HECW1: variants seen among roughly 807,000 people sequenced by gnomAD.
HECW1 encodes HECT, C2 and WW domain containing E3 ubiquitin protein ligase 1, also known as E3 ubiquitin-protein ligase HECW1.
HECW1 carries 61 observed loss-of-function variants against 182.3 expected under a neutral mutation model. The ratio of observed to expected loss-of-function variants is 0.33; its 90% confidence interval spans 0.27 to 0.41. HECW1 has a LOEUF of 0.41. Ranked by LOEUF, HECW1 falls within the 10% of genes least tolerant of loss-of-function variation. The pLI, the probability that HECW1 is intolerant of heterozygous loss-of-function variation, is 1.00. For synonymous variants in HECW1, 859 were observed against 832.6 expected, an observed-to-expected ratio of 1.03 and a Z score of -0.55; for missense variants, 1,739 against 2,108.9, an observed-to-expected ratio of 0.82 and a Z score of 3.44.
chr7:43,380,244 TG>T (rs1455930663), intron 6 of HECW1, among the ~76,000 whole-genome samples: 2 of 152,124 alleles, frequency 1.3e-5, no homozygotes, highest in Non-Finnish European at 2.9e-5. Context: ...TTTAAATTTT[TG>T]TAGAGATGGA....
intron 5 of HECW1, among the ~76,000 whole-genome samples, chr7:43,327,632 C>G (rs1810963635): frequency 6.6e-6 from 1 of 152,096 alleles, no homozygotes; most frequent in African/African-American, 2.4e-5. Context: ...TATTTCCTTC[C>G]AGTTTTGCTT....
chr7:43,327,131 C>A (rs923365560), intron 5 of HECW1, among the ~76,000 whole-genome samples: 1 of 152,198 alleles, frequency 6.6e-6, no homozygotes, highest in Non-Finnish European at 1.5e-5. Flanking sequence ...ACAATAAATA[C>A]TTGGGCCATA....
At chr7:43,164,144 C>A (rs1583772833) in intron 2 of HECW1, among the ~76,000 whole-genome samples, 1 of 152,060 alleles carries the variant, frequency 6.6e-6, no homozygotes, top group East Asian at 1.9e-4. Context: ...AGCTAAGGAC[C>A]AGGCTGGGGA....
At chr7:43,285,534 C>T (rs1011427547) in intron 3 of HECW1, among the ~76,000 whole-genome samples, 2 of 152,130 alleles carry the variant, frequency 1.3e-5, no homozygotes, top group Admixed American at 1.3e-4. Context: ...AATAAAGAAC[C>T]TACAGTGGTC....
chr7:43,541,573 C>G (rs1015150761), intron 25 of HECW1, among the ~76,000 whole-genome samples: 8 of 152,130 alleles, frequency 5.3e-5, no homozygotes, highest in African/African-American at 1.9e-4. Context: ...TAGAACTGAT[C>G]TGTTTATAGC....
At chr7:43,229,948 C>T (rs1202811925) in intron 2 of HECW1, among the ~76,000 whole-genome samples, 1 of 152,150 alleles carries the variant, frequency 6.6e-6, no homozygotes, top group Admixed American at 6.5e-5. Context: ...AACTTTTGCA[C>T]CAGCCTAATA....
intron 18 of HECW1, 34 bp from the exon 19 acceptor site, chr7:43,493,050 G>A (rs1419952421): frequency 3.4e-6 from 5 of 1,463,024 alleles, no homozygotes; most frequent in Non-Finnish European, 2.9e-6. Flanking sequence ...CTGGGCTGCA[G>A]ACTCAACCAC....
At chr7:43,468,813 T>C (rs1416917503) in intron 15 of HECW1, 107 bp from the exon 16 acceptor site, 12 of 960,526 alleles carry the variant, frequency 1.2e-5, no homozygotes, top group Admixed American at 2.4e-5. Context: ...CACAATAAAC[T>C]GCTGTGTCAC....
chr7:43,364,068 C>A (rs1343368416), intron 6 of HECW1, among the ~76,000 whole-genome samples: 2 of 152,200 alleles, frequency 1.3e-5, no homozygotes, highest in African/African-American at 2.4e-5. Context: ...CTGCTGCATT[C>A]ATCTCTTATG....
chr7:43,223,389 G>A (rs372695838), intron 2 of HECW1, among the ~76,000 whole-genome samples: 1 of 152,144 alleles, frequency 6.6e-6, no homozygotes, highest in Non-Finnish European at 1.5e-5. Flanking sequence ...AGGCTGAGGC[G>A]GGCAGATCAC....
intron 8 of HECW1, among the ~76,000 whole-genome samples, chr7:43,412,001 T>C (rs1657380855): frequency 6.6e-6 from 1 of 152,228 alleles, no homozygotes; most frequent in Non-Finnish European, 1.5e-5. Flanking sequence ...TTTCTGTTTG[T>C]CCTCTGGATT....
intron 2 of HECW1, among the ~76,000 whole-genome samples, chr7:43,156,793 C>T (rs1789927853): frequency 6.6e-6 from 1 of 152,070 alleles, no homozygotes; most frequent in African/African-American, 2.4e-5. Flanking sequence ...TGTGTGTTAC[C>T]TCTAGGTTGA....
chr7:43,488,434 G>GAGAAAGAAAGA, intron 17 of HECW1, among the ~76,000 whole-genome samples: 1 of 93,138 alleles, frequency 1.1e-5, no homozygotes, highest in Non-Finnish European at 2.1e-5. Context: ...AAGAAAGAAA[G>GAGAAAGAAAGA]AGAAAGAAAG....
chr7:43,274,595 C>A, intron 3 of HECW1: 1 of 445,174 alleles, frequency 2.2e-6, no homozygotes, highest in Non-Finnish European at 4.3e-6. Context: ...GCAGGTTCCT[C>A]GCCCCGGGTG....
intron 3 of HECW1, among the ~76,000 whole-genome samples, chr7:43,292,918 C>T (rs928669140): frequency 2.0e-5 from 3 of 152,030 alleles, no homozygotes; most frequent in Non-Finnish European, 4.4e-5. Flanking sequence ...AATGAAGCAA[C>T]AAAAGAACGA....
chr7:43,319,518 C>T (rs1228201543), intron 4 of HECW1, among the ~76,000 whole-genome samples: 1 of 148,812 alleles, frequency 6.7e-6, no homozygotes, highest in Non-Finnish European at 1.5e-5. Flanking sequence ...CAGTGCTCTC[C>T]TGACCACCCG....
chr7:43,339,928 CT>C (rs1205784804), intron 5 of HECW1, among the ~76,000 whole-genome samples: 3 of 151,882 alleles, frequency 2.0e-5, no homozygotes, highest in Admixed American at 6.6e-5. Context: ...GATTTTTAGT[CT>C]TTTGCCCTCA....
At chr7:43,218,981 C>G (rs911292502) in intron 2 of HECW1, among the ~76,000 whole-genome samples, 3 of 152,138 alleles carry the variant, frequency 2.0e-5, no homozygotes, top group Admixed American at 2.0e-4. Flanking sequence ...TGGGGAACAC[C>G]AGCCAGGTAT....
intron 2 of HECW1, among the ~76,000 whole-genome samples, chr7:43,123,316 C>G (rs145154166): frequency 6.6e-6 from 1 of 152,296 alleles, no homozygotes; most frequent in Non-Finnish European, 1.5e-5. Context: ...GCTTAGAAAT[C>G]ATCGTGACAT....
Sources: gnomAD v4.1 joint callset for allele counts (sites outside exome capture counted in the v4.1 genomes callset) on GRCh38, gnomAD v4.1.1 for gene constraint, MANE v1.5 for transcripts, NCBI Gene and HGNC (gene_info 2026-07-23, HGNC 2026-07-21) for gene names.